The following ATG9B variants were observed in gnomAD, a reference collection of about 807,000 sequenced individuals.
ATG9B encodes the protein autophagy related 9B.
ATG9B carries 92 observed loss-of-function variants against 92.9 expected under a neutral mutation model. The ratio of observed to expected loss-of-function variants is 0.99; its 90% CI spans 0.84 to 1.18. The LOEUF (loss-of-function observed/expected upper bound fraction) is 1.18. Ranked by LOEUF, ATG9B falls within the 50% of genes most tolerant of loss-of-function variation. The probability of loss-of-function intolerance (pLI) is 0.00; values close to 1 mark genes in which losing one functional copy is unlikely to be tolerated. For synonymous variants in ATG9B, 599 were observed against 551.4 expected (o/e 1.09, Z -1.21); for missense variants, 1,344 against 1,235.0 (o/e 1.09, Z -1.32).
Position 151,016,459 on chromosome 7 carries a change from A to G in ATG9B, c.2492T>C (p.Met831Thr), listed in dbSNP as rs1795489274. ...GTGCAGGTAGATGACATGGAGACTC[A>G]TCTCGGCAGAAGCAAGTTCTGGGAG... ...AQLPELASAE[M>T]SLHVIYLHQL... Residue 831 changes from methionine to threonine, a missense_variant, in exon 11 of 14, where the codon ATG becomes ACG. Transcript: ENST00000639579. 1 of 1,551,322 alleles carries G rather than the reference A, an allele frequency of 6.4e-7. No individual in the cohort carries two copies.
chr7:151,016,066 G>C, intron 12 of ATG9B, 43 bp from the exon 13 acceptor site: 1 of 1,548,390 alleles, frequency 6.5e-7, no homozygotes, highest in Non-Finnish European at 8.7e-7. Flanking sequence ...ATGATGCCCA[G>C]TGTCCACCAG....
downstream of ATG9B, chr7:151,014,069 G>A: frequency 6.2e-7 from 1 of 1,613,900 alleles, no homozygotes; most frequent in African/African-American, 1.3e-5. Flanking sequence ...GAGGTGACAA[G>A]CCGCATACGC....
intron 4 of ATG9B, 133 bp downstream of exon 4, chr7:151,022,912 G>C: frequency 4.7e-6 from 5 of 1,061,880 alleles, no homozygotes; most frequent in Non-Finnish European, 7.0e-6. Context: ...AGTATATTAA[G>C]TGTATTTTTG....
At chr7:151,017,319 T>C (rs1301963861) in intron 8 of ATG9B, 47 bp from the exon 9 acceptor site, 4 of 1,505,006 alleles carry the variant, frequency 2.7e-6, no homozygotes. Context: ...CTGAGCCTTA[T>C]GGGAACAGGT....
chr7:151,024,432 G>T lies in ATG9B; in HGVS notation c.-9C>A. The T allele has an allele frequency of 7.5e-7, 1 of 1,337,742 alleles. No homozygotes were observed. The highest frequency in any genetic ancestry group is 9.6e-7 in the Non-Finnish European group (1 of 1,039,444). 82.9% of individuals were successfully genotyped at this position (1,337,742 alleles called of 1,614,324 possible). A position where few individuals can be genotyped will look rare whatever the true frequency, so the allele number is the denominator to read the frequency against. On this transcript the variant is annotated 5_prime_UTR_variant, in exon 1 of 14. Transcript: ENST00000639579. ...CCCATTCGGCTCACCATCAGGCCACGGCTTCTCCAGAAAGGTTGGAAGGAT... is the reference window on the plus strand; with the variant it reads ...CCCATTCGGCTCACCATCAGGCCACTGCTTCTCCAGAAAGGTTGGAAGGAT...
downstream of ATG9B, chr7:151,014,665 G>A (rs1377246177): frequency 6.7e-6 from 1 of 150,200 alleles, no homozygotes; most frequent in African/African-American, 2.5e-5. Flanking sequence ...CTGGAGTGCA[G>A]TGGCGTGATC....
downstream of ATG9B, chr7:151,012,920 G>A (rs1163861030): frequency 7.1e-6 from 3 of 419,608 alleles, no homozygotes; most frequent in African/African-American, 2.0e-5. Flanking sequence ...AATATGAAGT[G>A]GGAGCGGGGA....
chr7:151,018,782 G>C lies in ATG9B; in HGVS notation c.1556C>G (p.Pro519Arg). The C allele has an allele frequency of 7.1e-7, 1 of 1,401,376 alleles. No homozygotes were observed. Among genetic ancestry groups the C allele is most frequent in the African/African-American group, 1.5e-5 (1 of 66,326 alleles). The allele number at this position is 1,401,376 out of a possible 1,614,324, so 86.8% of individuals were successfully genotyped here. A position where few individuals can be genotyped will look rare whatever the true frequency, so the allele number is the denominator to read the frequency against. ...PAAAFLRTAA[P>R]PAPLRTLLAR... ...CAGCAGCGTGCGCAGGGGCGCGGGG[G>C]GCGCAGCGGTGCGCAGGAAGGCGGC... Residue 519 changes from proline (P) to arginine (R), a missense_variant, in exon 6 of 14, where the codon CCC (proline) becomes CGC (arginine). By Grantham distance (103) the Pro-to-Arg change is moderately radical (BLOSUM62 -2). Transcript: ENST00000639579. This position sits in a 1 kb window ranked among gnomAD's most constrained non-coding sequence, Gnocchi z 4.7.
At chr7:151,016,976 AG>A in intron 9 of ATG9B, 59 bp downstream of exon 9, 1 of 1,523,982 alleles carries the variant, frequency 6.6e-7, no homozygotes, top group Non-Finnish European at 8.9e-7. Flanking sequence ...CTAGAGGGGA[AG>A]GGTTTGGAGA....
intron 1 of ATG9B, 45 bp from the exon 2 acceptor site, chr7:151,023,775 T>A (rs750401728): frequency 1.9e-6 from 3 of 1,613,308 alleles, no homozygotes; most frequent in Non-Finnish European, 2.5e-6. Flanking sequence ...TGTGATCAAT[T>A]CTCCACGTTC....
chr7:151,018,030 G>C lies in ATG9B; in HGVS notation c.1893C>G (p.Leu631=), dbSNP rs1202882664. ...QYRAVSLLEE[L]LSPLLTPLFL... is the part of the protein sequence containing the mutation. ...ACAGCGGGGTGAGGAGCGGGGACAG[G>C]AGCTCCTCCAGGAGGGAGACCTGGG... is the stretch of plus-strand genomic sequence containing the variant. The change falls in exon 8 of 14, where the codon CTC becomes CTG. Residue 631 remains leucine (L), a synonymous_variant. Transcript: ENST00000639579. This position sits in a 1 kb window ranked among gnomAD's most constrained non-coding sequence, Gnocchi z 4.7. 3.1e-6 allele frequency: 5 copies of C among 1,593,896 alleles called. No homozygotes were observed. Among genetic ancestry groups the C allele is most frequent in the Non-Finnish European group, 3.4e-6 (4 of 1,169,676 alleles).
intron 5 of ATG9B, 144 bp from the exon 6 acceptor site, chr7:151,019,518 C>A: frequency 8.9e-7 from 1 of 1,121,112 alleles, no homozygotes. Context: ...TACATCGTCC[C>A]CCTCTCCCAC....
At chr7:151,023,807 A>C in intron 1 of ATG9B, 67 bp downstream of exon 1, 1 of 1,612,134 alleles carries the variant, frequency 6.2e-7, no homozygotes, top group Admixed American at 1.7e-5. Context: ...CCAGAGGCCC[A>C]GCCTGGGATA....
At chr7:151,013,217 G>A (rs752728880), downstream of ATG9B, 6 of 1,608,580 alleles carry the variant, frequency 3.7e-6, no homozygotes, top group South Asian at 2.2e-5. Flanking sequence ...TCCCAAGCGC[G>A]GGGTTGCTTG....
At chr7:151,016,576 C>G (rs189987249) in intron 10 of ATG9B, 49 bp from the exon 11 acceptor site, 78 of 1,544,866 alleles carry the variant, frequency 5.0e-5, no homozygotes, top group Non-Finnish European at 6.6e-5. Flanking sequence ...CCTCCCGCCA[C>G]ACCCCAGAGG....
chr7:151,018,464 G>T lies in ATG9B; in HGVS notation c.1719-17C>A. 6.6e-7 allele frequency: 1 copy of T among 1,521,264 alleles called. No individual in the cohort carries two copies. The highest frequency in any genetic ancestry group is 1.4e-5 in the African/African-American group (1 of 71,914). The allele number at this position is 1,521,264 out of a possible 1,614,324, so 94.2% of individuals were successfully genotyped here. A position where few individuals can be genotyped will look rare whatever the true frequency, so the allele number is the denominator to read the frequency against. On this transcript the variant is annotated splice_polypyrimidine_tract_variant and intron_variant, in intron 6 of 13. Coordinates refer to ENST00000639579, the MANE Select transcript of ATG9B (RefSeq NM_001317056.2). This position sits in a 1 kb window ranked among gnomAD's most constrained non-coding sequence, Gnocchi z 4.7. ...ATGAAAGACCTGAAAGGCGGGATCC[G>T]TGGGGGGAAGGGGCCTGCGATTAGG...
chr7:151,023,216 G>A lies in ATG9B; in HGVS notation c.660-10C>T. On this transcript the variant is annotated splice_polypyrimidine_tract_variant and intron_variant, in intron 3 of 13. Transcript: ENST00000639579. ...AATGAAAATAAATTGTCTGCCGGGA[G>A]GAAGGGGGGGTGCCGGGATGCTGCA... 6.2e-7 allele frequency: 1 copy of A among 1,614,148 alleles called. No homozygotes were observed. Among genetic ancestry groups the A allele is most frequent in the Non-Finnish European group, 8.5e-7 (1 of 1,180,032 alleles).
At chr7:151,013,778 C>T (rs1208895924), downstream of ATG9B, 4 of 1,611,658 alleles carry the variant, frequency 2.5e-6, no homozygotes, top group Admixed American at 5.0e-5. Context: ...GCACCGCGTG[C>T]TGTGCCTCGA....
chr7:151,022,914 G>T, intron 4 of ATG9B, 131 bp downstream of exon 4: 1 of 1,109,588 alleles, frequency 9.0e-7, no homozygotes, highest in Non-Finnish European at 1.3e-6. Context: ...TATATTAAGT[G>T]TATTTTTGGT....
Sources: allele counts gnomAD v4.1 joint callset, GRCh38; gene constraint gnomAD v4.1.1; non-coding constraint Gnocchi (gnomAD v3.1); transcripts MANE v1.5; gene names NCBI Gene and HGNC (gene_info 2026-07-23, HGNC 2026-07-21).